BEST2: variants seen among roughly 807,000 people sequenced by gnomAD.
BEST2 encodes the protein bestrophin-2a.
BEST2 carries 36 observed loss-of-function variants against 49.0 expected under a neutral mutation model. That is an observed-to-expected ratio of 0.73 (90% CI 0.56 to 0.97). The LOEUF (loss-of-function observed/expected upper bound fraction) is 0.97, where lower values mean the gene tolerates loss of function less well. Among genes scored for constraint, BEST2 ranks in the 50% least tolerant of loss-of-function variants. The probability of loss-of-function intolerance (pLI) is 0.00; values close to 1 mark genes in which losing one functional copy is unlikely to be tolerated. For missense variants in BEST2, 672 were observed against 710.0 expected, an observed-to-expected ratio of 0.95 and a Z score of 0.61; for synonymous variants, 335 against 304.4, an observed-to-expected ratio of 1.10 and a Z score of -1.05.
intron 9 of BEST2, among the ~76,000 whole-genome samples, chr19:12,757,015 C>T (rs1271393281): frequency 9.2e-5 from 14 of 152,016 alleles, no homozygotes; most frequent in Non-Finnish European, 1.2e-4. Context: ...TGGTGGCTCA[C>T]GCCTGTAATC....
intron 1 of BEST2, 118 bp downstream of exon 1, chr19:12,751,957 G>A (rs1052804313): frequency 6.5e-6 from 1 of 152,978 alleles, no homozygotes; most frequent in African/African-American, 2.4e-5. Context: ...AGGCTGGAGG[G>A]GAACGGAGAG....
intron 2 of BEST2, 116 bp from the exon 3 acceptor site, chr19:12,753,144 C>A: frequency 9.4e-7 from 1 of 1,064,752 alleles, no homozygotes; most frequent in Non-Finnish European, 1.4e-6. Context: ...ACCCATAGCA[C>A]CCGGCTGGGG....
rs763978340 is a variant in BEST2 at position 12,756,137 on chromosome 19, G to A, written c.949-4G>A. The stretch of plus-strand genomic sequence containing the variant: ...CACTTTACCCTGTGTGTTTGCACCC[G>A]TAGGTGTCCATGCTGGCAGTGGACG... On this transcript the variant is annotated splice_region_variant and splice_polypyrimidine_tract_variant and intron_variant, in intron 8 of 9. Transcript: ENST00000553030. The A allele has an allele frequency of 4.0e-5, 64 of 1,614,232 alleles. 1 individual carries two copies. The Middle Eastern group carries it at 6.6e-4, about 17-fold the overall frequency.
rs565237088 is a variant in BEST2, at chr19:12,754,731, G to A, written c.427G>A (p.Val143Ile). The change falls in exon 4 of 10, where the codon GTC (valine) becomes ATC (isoleucine). Residue 143 changes from valine (V) to isoleucine (I), a missense_variant. By Grantham distance (29) the Val-to-Ile change is conservative (BLOSUM62 3). Coordinates refer to ENST00000553030, the MANE Select transcript of BEST2 (RefSeq NM_017682.3). ...GLSAVLILRS[V>I]STAVFKRFPT... The stretch of plus-strand genomic sequence containing the variant: ...CTCGGCCGTGCTCATCCTGCGCTCC[G>A]TCAGCACCGCGGTGTTCAAGCGCTT... 1.8e-5 allele frequency: 29 copies of A among 1,593,118 alleles called. No homozygotes were observed. The highest frequency in any genetic ancestry group is 2.1e-5 in the Non-Finnish European group (25 of 1,169,788).
At position 12,755,283 on chromosome 19, in the gene BEST2, C is replaced by A; in HGVS notation, c.637-96C>A. On this transcript the variant is annotated intron_variant, in intron 5 of 9. Transcript: ENST00000553030. This position sits in a 1 kb window ranked among gnomAD's most constrained non-coding sequence, Gnocchi z 4.4. ...CCCCAAAGCACACTCCCAATTCCCA[C>A]CAGGTGACCACCCACCTCCATCCCA... The A allele has an allele frequency of 7.5e-7, 1 of 1,337,818 alleles. No homozygotes were observed. The highest frequency in any genetic ancestry group is 1.1e-6 in the Non-Finnish European group (1 of 936,650). 82.9% of individuals were successfully genotyped at this position (1,337,818 alleles called of 1,614,324 possible). A position where few individuals can be genotyped will look rare whatever the true frequency, so the allele number is the denominator to read the frequency against.
Position 12,758,267 on chromosome 19 carries a change from G to T in BEST2, c.*190G>T. 4.5e-6 allele frequency: 3 copies of T among 667,290 alleles called. No homozygotes were observed. The highest frequency in any genetic ancestry group is 7.4e-6 in the Non-Finnish European group (3 of 407,388). The allele number at this position is 667,290 out of a possible 1,614,324, so 41.3% of individuals were successfully genotyped here. A position where few individuals can be genotyped will look rare whatever the true frequency, so the allele number is the denominator to read the frequency against. On this transcript the variant is annotated 3_prime_UTR_variant, in exon 10 of 10. Coordinates refer to ENST00000553030, the MANE Select transcript of BEST2 (RefSeq NM_017682.3). ...TTCTTCCAGACTCTTGGACCAGCCCGCCCTGACCACCAGCTCTACTTCCCA... is the reference window on the plus strand; with the variant it reads ...TTCTTCCAGACTCTTGGACCAGCCCTCCCTGACCACCAGCTCTACTTCCCA...
At chr19:12,756,067 A>G in intron 8 of BEST2, 74 bp from the exon 9 acceptor site, 4 of 1,600,838 alleles carry the variant, frequency 2.5e-6, no homozygotes, top group Admixed American at 1.7e-5. Context: ...GTCCCCACCC[A>G]CCCGAAGGGG....
rs1312975775 is a variant in BEST2 at position 12,758,032 on chromosome 19, C to T, written c.1485C>T (p.Pro495=). 3.7e-6 allele frequency: 6 copies of T among 1,613,176 alleles called. No homozygotes were observed. Among genetic ancestry groups the T allele is most frequent in the South Asian group, 2.2e-5 (2 of 91,040 alleles). The change falls in exon 10 of 10, where the codon CCC becomes CCT. Residue 495 remains proline, a synonymous_variant. Coordinates refer to ENST00000553030, the MANE Select transcript of BEST2 (RefSeq NM_017682.3). ...TMPGPRGPAP[P]WLPSPIGEEE... is the part of the protein sequence containing the mutation. ...CCGGGCCCCGGGGTCCGGCGCCACC[C>T]TGGCTGCCCAGCCCTATTGGCGAGG...
chr19:12,757,591 G>C (rs1314593992), intron 9 of BEST2, 60 bp from the exon 10 acceptor site: 2 of 1,491,446 alleles, frequency 1.3e-6, no homozygotes, highest in Non-Finnish European at 1.8e-6. Flanking sequence ...AGCGCGCCTG[G>C]GACCCTGCTC....
At position 12,755,048 on chromosome 19, in the gene BEST2, G is replaced by A; in HGVS notation, c.636+17G>A. ...CTGCTCGAGGTGGGCCCAACCAGGA[G>A]GTCATTCATATAGAATACCAGGGAA... On this transcript the variant is annotated intron_variant, in intron 5 of 9. Coordinates refer to ENST00000553030, the MANE Select transcript of BEST2 (RefSeq NM_017682.3). This position sits in a 1 kb window ranked among gnomAD's most constrained non-coding sequence, Gnocchi z 4.4. 6.3e-7 allele frequency: 1 copy of A among 1,587,314 alleles called. No homozygotes were observed. The highest frequency in any genetic ancestry group is 1.1e-5 in the South Asian group (1 of 87,344).
rs1243542501 is a variant in BEST2 at position 12,757,877 on chromosome 19, C to T, written c.1330C>T (p.Pro444Ser). ...SCAVVPEGAA[P>S]ECSCGDPLLD... ...CGCGGTTGTCCCCGAAGGCGCGGCCCCGGAGTGCAGCTGCGGGGACCCGCT... is the reference window on the plus strand; with the variant it reads ...CGCGGTTGTCCCCGAAGGCGCGGCCTCGGAGTGCAGCTGCGGGGACCCGCT... Residue 444 changes from proline to serine, a missense_variant, in exon 10 of 10, where the codon CCG (proline) becomes TCG (serine). Around this residue, in one of 3 missense-constraint regions of BEST2, gnomAD observed 291 missense variants for 279.8 expected, o/e 1.04. Transcript: ENST00000553030. The T allele has an allele frequency of 1.3e-6, 2 of 1,549,972 alleles. No homozygotes were observed. The highest frequency in any genetic ancestry group is 1.7e-6 in the Non-Finnish European group (2 of 1,147,580).
At chr19:12,753,662 G>A (rs1159360382) in intron 3 of BEST2, among the ~76,000 whole-genome samples, 3 of 152,028 alleles carry the variant, frequency 2.0e-5, no homozygotes, top group Non-Finnish European at 4.4e-5. Context: ...GTGTTATTAG[G>A]GGGGACAAAC....
rs2145708149 is a variant in BEST2, at chr19:12,758,046, C to T, written c.1499C>T (p.Pro500Leu). Residue 500 changes from proline to leucine, a missense_variant, in exon 10 of 10, where the codon CCT (proline) becomes CTT (leucine). Physicochemically the swap from Pro to Leu is moderately conservative, Grantham distance 98. This residue lies in a region of BEST2 where 291 missense variants were observed against 279.8 expected (regional missense o/e 1.04). Transcript: ENST00000553030. ...RGPAPPWLPS[P>L]IGEEEENLA ...CCGGCGCCACCCTGGCTGCCCAGCC[C>T]TATTGGCGAGGAGGAGGAGAATCTG... The T allele has an allele frequency of 6.2e-7, 1 of 1,613,266 alleles. No individual in the cohort carries two copies. The highest frequency in any genetic ancestry group is 2.2e-5 in the East Asian group (1 of 44,870).
In BEST2 at chr19:12,757,633, C is replaced by T. The variant is rs1445338490; in HGVS notation, c.1104-18C>T. On this transcript the variant is annotated intron_variant, in intron 9 of 9. Coordinates refer to ENST00000553030, the MANE Select transcript of BEST2 (RefSeq NM_017682.3). ...CAAGAGGCGAGGCCGCAGCGCTGGC[C>T]CACTGTCGGTCCCGCAGGCTGGCCA... The T allele has an allele frequency of 6.5e-7, 1 of 1,529,216 alleles. No individual in the cohort carries two copies. Among genetic ancestry groups the T allele is most frequent in the Admixed American group, 2.1e-5 (1 of 47,676 alleles). The allele number at this position is 1,529,216 out of a possible 1,614,324, so 94.7% of individuals were successfully genotyped here.
chr19:12,758,386 G>A lies in BEST2; in HGVS notation c.*309G>A. On this transcript the variant is annotated 3_prime_UTR_variant, in exon 10 of 10. Coordinates refer to ENST00000553030, the MANE Select transcript of BEST2 (RefSeq NM_017682.3). ...TGACTACCTCCTCGAGTTGTCATGA[G>A]GATGAAAGAATGGCATTAAAGCATT... 4.3e-6 allele frequency: 2 copies of A among 460,364 alleles called. No individual in the cohort carries two copies. Among genetic ancestry groups the A allele is most frequent in the South Asian group, 6.2e-5 (2 of 32,174 alleles). The allele number at this position is 460,364 out of a possible 1,614,324, so 28.5% of individuals were successfully genotyped here.
chr19:12,754,509 C>T, intron 3 of BEST2, 43 bp from the exon 4 acceptor site: 4 of 1,426,134 alleles, frequency 2.8e-6, no homozygotes, highest in Non-Finnish European at 3.7e-6. Context: ...AAACCCCTGG[C>T]CCTGGTGTCC....
chr19:12,756,034 C>G, intron 8 of BEST2, 99 bp downstream of exon 8: 3 of 1,593,368 alleles, frequency 1.9e-6, no homozygotes, highest in Non-Finnish European at 2.6e-6. Context: ...CCAGGTCTCA[C>G]CCCAACCATC....
At position 12,754,560 on chromosome 19, in the gene BEST2, G is replaced by A; in HGVS notation, c.256G>A (p.Val86Met). The A allele has an allele frequency of 6.6e-7, 1 of 1,519,850 alleles. No homozygotes were observed. The highest frequency in any genetic ancestry group is 8.9e-7 in the Non-Finnish European group (1 of 1,125,604). The allele number at this position is 1,519,850 out of a possible 1,614,324, so 94.1% of individuals were successfully genotyped here. A position where few individuals can be genotyped will look rare whatever the true frequency, so the allele number is the denominator to read the frequency against. The part of the protein sequence containing the change: ...IPVSFVLGFY[V>M]TLVVNRWWSQ... ...TCCCCGCTCCCCTGCAGGCTTTTAT[G>A]TGACGCTGGTGGTGAACCGCTGGTG... Residue 86 changes from valine (V) to methionine (M), a missense_variant, in exon 4 of 10, where the codon GTG becomes ATG. Val to Met is a conservative substitution (Grantham distance 21, BLOSUM62 1). Coordinates refer to ENST00000553030, the MANE Select transcript of BEST2 (RefSeq NM_017682.3).
rs1325974343 is a variant in BEST2 at position 12,755,705 on chromosome 19, C to A, written c.805C>A (p.Leu269Ile). 2.5e-6 allele frequency: 4 copies of A among 1,614,140 alleles called. No homozygotes were observed. Among genetic ancestry groups the A allele is most frequent in the Non-Finnish European group, 3.4e-6 (4 of 1,180,034 alleles). The change falls in exon 7 of 10, where the codon CTA (leucine) becomes ATA (isoleucine). Residue 269 changes from leucine (L) to isoleucine (I), a missense_variant. By Grantham distance (5) the Leu-to-Ile change is conservative. This residue lies in a region of BEST2 where 365 missense variants were observed against 390.9 expected (regional missense o/e 0.93). Coordinates refer to ENST00000553030, the MANE Select transcript of BEST2 (RefSeq NM_017682.3). The surrounding 1 kb of genome is among the most constrained non-coding windows in gnomAD (Gnocchi z 4.4). ...DPAQGYKDHD[L>I]DLCVPIFTLL... ...GGCTCAGGGTTACAAAGACCACGAC[C>A]TAGACCTGTGTGTGCCCATCTTCAC...
Sources: allele counts gnomAD v4.1 joint callset (sites outside exome capture counted in the v4.1 genomes callset), GRCh38; gene constraint gnomAD v4.1.1; regional missense constraint gnomAD v4.1.1; non-coding constraint Gnocchi (gnomAD v3.1); transcripts MANE v1.5; gene names NCBI Gene and HGNC (gene_info 2026-07-23, HGNC 2026-07-21).